The following CPNE4 variants were observed in gnomAD, a reference collection of about 807,000 sequenced individuals.
The protein encoded by CPNE4 is copine 4, also known as copine-4.
CPNE4 carries 25 observed loss-of-function variants against 67.9 expected under a neutral mutation model. The ratio of observed to expected loss-of-function variants is 0.37; its 90% CI spans 0.27 to 0.51. CPNE4 has a LOEUF of 0.51. Among genes scored for constraint, CPNE4 ranks in the 20% least tolerant of loss-of-function variants. CPNE4 has a pLI of 0.93. For synonymous variants in CPNE4, 242 were observed against 244.9 expected, an observed-to-expected ratio of 0.99 and a Z score of 0.11; for missense variants, 464 against 690.8, an observed-to-expected ratio of 0.67 and a Z score of 3.68.
intron 1 of CPNE4, among the ~76,000 whole-genome samples, chr3:132,000,150 C>T (rs1315612960): frequency 6.6e-6 from 1 of 151,216 alleles, no homozygotes; most frequent in Non-Finnish European, 1.5e-5. Flanking sequence ...AATCAGAGAA[C>T]AAGATAGGAT....
intron 3 of CPNE4, among the ~76,000 whole-genome samples, chr3:131,716,021 T>G (rs1420299351): frequency 6.6e-6 from 1 of 152,220 alleles, no homozygotes; most frequent in Non-Finnish European, 1.5e-5. Flanking sequence ...CAATTCTCCT[T>G]GAGTTTCCCT....
chr3:131,838,151 A>C lies in CPNE4; in HGVS notation c.180+67113T>G, dbSNP rs976070648. 9.9e-5 allele frequency among the ~76,000 whole-genome samples: 15 copies of C among 152,136 alleles called. No homozygotes were observed. The South Asian group carries it at 2.1e-3, about 21-fold the overall frequency. On this transcript the variant is annotated intron_variant, in intron 2 of 15. Coordinates refer to ENST00000429747, the MANE Select transcript of CPNE4 (RefSeq NM_130808.3). ...TCTATGTTAAGTCTAAAATTATTTCAAAATAAAAATGTCAAAAAATGATTT... is the reference window on the plus strand; with the variant it reads ...TCTATGTTAAGTCTAAAATTATTTCCAAATAAAAATGTCAAAAAATGATTT...
chr3:131,929,196 C>CAAAAAAAA (rs57462900), intron 1 of CPNE4, among the ~76,000 whole-genome samples: 1 of 98,842 alleles, frequency 1.0e-5, no homozygotes, highest in African/African-American at 3.9e-5. Context: ...TTGTCCTCAC[C>CAAAAAAAA]AAAAAAAAAA....
intron 2 of CPNE4, among the ~76,000 whole-genome samples, chr3:131,810,903 T>C (rs920492063): frequency 2.6e-5 from 4 of 152,044 alleles, no homozygotes; most frequent in Non-Finnish European, 5.9e-5. Flanking sequence ...TAGACCCGAA[T>C]AGCATTATGC....
At chr3:131,767,890 G>T (rs1283740904) in intron 2 of CPNE4, among the ~76,000 whole-genome samples, 3 of 151,870 alleles carry the variant, frequency 2.0e-5, no homozygotes, top group Non-Finnish European at 4.4e-5. Context: ...TATTCTATTT[G>T]GAAACCAAGT....
At chr3:131,982,453 A>G (rs1416304087) in intron 1 of CPNE4, among the ~76,000 whole-genome samples, 3 of 152,222 alleles carry the variant, frequency 2.0e-5, no homozygotes, top group African/African-American at 7.2e-5. Flanking sequence ...ATGAAGTGCT[A>G]GACTGAGAAA....
At chr3:131,742,056 A>C (rs1291023288) in intron 2 of CPNE4, among the ~76,000 whole-genome samples, 2 of 152,264 alleles carry the variant, frequency 1.3e-5, no homozygotes, top group South Asian at 2.1e-4. Flanking sequence ...TGTGATGGTT[A>C]ATTTTATGTG....
chr3:131,583,360 C>A (rs1937966513), intron 8 of CPNE4, among the ~76,000 whole-genome samples: 1 of 152,116 alleles, frequency 6.6e-6, no homozygotes, highest in African/African-American at 2.4e-5. Context: ...TCCTCCCAAA[C>A]CTATCAAAAC....
Position 131,757,912 on chromosome 3 carries a change from G to A in CPNE4, c.181-34287C>T, listed in dbSNP as rs749452157. ...AGCCCCAAGCCTTGGCAGCTTCCAC[G>A]TGGTGTTGAGCCTACAGTTGCACAG... On this transcript the variant is annotated intron_variant, in intron 2 of 15. Coordinates refer to ENST00000429747, the MANE Select transcript of CPNE4 (RefSeq NM_130808.3). Among the ~76,000 whole-genome samples the A allele has an allele frequency of 4.6e-5, 7 of 152,190 alleles. No homozygotes were observed. The East Asian group carries it at 1.4e-3, about 29-fold the overall frequency.
chr3:131,859,368 T>G (rs2086583585), intron 2 of CPNE4, among the ~76,000 whole-genome samples: 1 of 152,200 alleles, frequency 6.6e-6, no homozygotes, highest in Non-Finnish European at 1.5e-5. Flanking sequence ...CAAGATGCTC[T>G]TCTCTATTCA....
At chr3:131,975,220 C>T (rs1220138248) in intron 1 of CPNE4, among the ~76,000 whole-genome samples, 1 of 152,108 alleles carries the variant, frequency 6.6e-6, no homozygotes, top group Admixed American at 6.5e-5. Context: ...TCCCTTTCAA[C>T]ACTAAGCCTG....
intron 1 of CPNE4, among the ~76,000 whole-genome samples, chr3:131,920,786 G>T: frequency 6.6e-6 from 1 of 152,000 alleles, no homozygotes. Context: ...TTCATCATTT[G>T]TTTGTCAAAT....
chr3:131,616,454 CTT>C (rs1350420126), intron 7 of CPNE4, among the ~76,000 whole-genome samples: 1 of 152,166 alleles, frequency 6.6e-6, no homozygotes, highest in African/African-American at 2.4e-5. Context: ...GATTTCCTGT[CTT>C]TCCAATTTTT....
At chr3:131,702,469 G>C (rs1156824416) in intron 3 of CPNE4, among the ~76,000 whole-genome samples, 1 of 152,172 alleles carries the variant, frequency 6.6e-6, no homozygotes, top group Non-Finnish European at 1.5e-5. Flanking sequence ...TCATCTGTAA[G>C]CAGTAGCCAG....
intron 10 of CPNE4, among the ~76,000 whole-genome samples, chr3:131,570,803 C>T (rs1260564486): frequency 1.3e-5 from 2 of 152,022 alleles, no homozygotes; most frequent in Non-Finnish European, 2.9e-5. Context: ...CTCAAGTGTT[C>T]AGGTGACCAA....
At chr3:131,602,270 A>G (rs921410902) in intron 7 of CPNE4, among the ~76,000 whole-genome samples, 1 of 151,528 alleles carries the variant, frequency 6.6e-6, no homozygotes, top group Admixed American at 6.5e-5. Flanking sequence ...TTCAACAGCA[A>G]CAACAACAAC....
intron 1 of CPNE4, among the ~76,000 whole-genome samples, chr3:132,025,955 A>G (rs1215430238): frequency 6.6e-6 from 1 of 152,262 alleles, no homozygotes; most frequent in Admixed American, 6.5e-5. Context: ...ACACACACGT[A>G]GTCAAAATAA....
chr3:132,002,831 G>A (rs923938082), intron 1 of CPNE4, among the ~76,000 whole-genome samples: 3 of 152,046 alleles, frequency 2.0e-5, no homozygotes, highest in East Asian at 1.9e-4. Flanking sequence ...GGATCAAAAA[G>A]CCAAACTTTG....
intron 2 of CPNE4, among the ~76,000 whole-genome samples, chr3:131,889,755 T>C (rs2088030548): frequency 6.6e-6 from 1 of 152,224 alleles, no homozygotes; most frequent in South Asian, 2.1e-4. Flanking sequence ...ATCTTCACTT[T>C]AAAGGCATCT....
Sources: allele counts gnomAD v4.1 joint callset (sites outside exome capture counted in the v4.1 genomes callset), GRCh38; gene constraint gnomAD v4.1.1; transcripts MANE v1.5; gene names NCBI Gene and HGNC (gene_info 2026-07-23, HGNC 2026-07-21).